Variants in FHIT observed in about 807,000 individuals in gnomAD.
FHIT encodes bis(5'-adenosyl)-triphosphatase.
FHIT carries 19 observed loss-of-function variants against 17.9 expected under a neutral mutation model. That is an observed-to-expected ratio of 1.06 (90% confidence interval 0.74 to 1.56). The LOEUF is 1.56. Among genes scored for constraint, FHIT ranks in the 40% most tolerant of loss-of-function variants. FHIT has a pLI of 0.00. For synonymous variants in FHIT, 81 were observed against 69.7 expected, an observed-to-expected ratio of 1.16 and a Z score of -0.81; for missense variants, 248 against 189.2, an observed-to-expected ratio of 1.31 and a Z score of -1.82.
rs536589165 is a variant in FHIT at position 60,839,738 on chromosome 3, T to G, written c.-110-17727A>C. 5.9e-5 allele frequency among the ~76,000 whole-genome samples: 9 copies of G among 152,266 alleles called. No individual in the cohort carries two copies. In the East Asian group the frequency reaches 1.7e-3, roughly 29 times the overall value. On this transcript the variant is annotated intron_variant, in intron 3 of 9. Coordinates refer to ENST00000492590, the MANE Select transcript of FHIT (RefSeq NM_002012.4). ...TATGCTGACCCTCTGCCCAGCCACA[T>G]AGCTCACCCCACCCCCTTAGAAGCA...
At chr3:61,093,625 G>A (rs192889685) in intron 2 of FHIT, among the ~76,000 whole-genome samples, 45 of 152,354 alleles carry the variant, frequency 3.0e-4, no homozygotes, top group African/African-American at 7.9e-4. Context: ...GAGCAGATTT[G>A]AAATTAGATT....
chr3:60,632,393 T>C (rs1553682687), intron 4 of FHIT, among the ~76,000 whole-genome samples: 1 of 152,220 alleles, frequency 6.6e-6, no homozygotes, highest in East Asian at 1.9e-4. Flanking sequence ...TAGCTCCAAG[T>C]TGACATGGCC....
chr3:59,944,212 C>T (rs1238408923), intron 7 of FHIT, among the ~76,000 whole-genome samples: 1 of 152,114 alleles, frequency 6.6e-6, no homozygotes, highest in East Asian at 1.9e-4. Flanking sequence ...ATATAACATA[C>T]CTATAGTACA....
rs532291244 is a variant in FHIT at position 60,470,132 on chromosome 3, C to T, written c.103+66728G>A. Among the ~76,000 whole-genome samples the T allele has an allele frequency of 3.0e-4, 45 of 151,550 alleles. 2 individuals are homozygous for T. The highest frequency in any genetic ancestry group is 8.0e-4 in the African/African-American group (33 of 41,256). ...GTGACACAAGCACTCCTGTGGCCAC[C>T]GCCACTGGGACTATATTGGGTCAGA... On this transcript the variant is annotated intron_variant, in intron 5 of 9. Coordinates refer to ENST00000492590, the MANE Select transcript of FHIT (RefSeq NM_002012.4).
chr3:60,835,894 C>T (rs1242683105), intron 3 of FHIT, among the ~76,000 whole-genome samples: 2 of 152,174 alleles, frequency 1.3e-5, no homozygotes, highest in Non-Finnish European at 2.9e-5. Context: ...GGATGACAGT[C>T]ATCAGTCACT....
intron 5 of FHIT, among the ~76,000 whole-genome samples, chr3:60,514,858 T>C (rs569852067): frequency 4.0e-5 from 6 of 149,736 alleles, no homozygotes; most frequent in Admixed American, 3.3e-4. Flanking sequence ...AAGGGTATCT[T>C]TGGACACTGA....
At chr3:60,488,123 G>A (rs2033916787) in intron 5 of FHIT, among the ~76,000 whole-genome samples, 1 of 152,152 alleles carries the variant, frequency 6.6e-6, no homozygotes, top group Non-Finnish European at 1.5e-5. Context: ...AAGTGCAATG[G>A]TCTTACGATT....
At chr3:60,782,301 A>G (rs1700422839) in intron 4 of FHIT, among the ~76,000 whole-genome samples, 1 of 151,622 alleles carries the variant, frequency 6.6e-6, no homozygotes, top group Non-Finnish European at 1.5e-5. Flanking sequence ...AAATGGCAAT[A>G]ATAAAAAGAT....
intron 5 of FHIT, among the ~76,000 whole-genome samples, chr3:60,114,225 C>A (rs977444466): frequency 6.7e-6 from 1 of 150,044 alleles, no homozygotes; most frequent in Non-Finnish European, 1.5e-5. Context: ...AAAATTCTGA[C>A]CCAGTAAGGT....
At chr3:60,387,023 C>CTTTT (rs71627536) in intron 5 of FHIT, among the ~76,000 whole-genome samples, 2 of 136,420 alleles carry the variant, frequency 1.5e-5, no homozygotes, top group South Asian at 2.3e-4. Context: ...TCTATTTATT[C>CTTTT]TTTTTTTTTT....
intron 5 of FHIT, among the ~76,000 whole-genome samples, chr3:60,037,390 C>CTT (rs35755244): frequency 7.5e-6 from 1 of 133,718 alleles, no homozygotes; most frequent in Non-Finnish European, 1.7e-5. Flanking sequence ...CCAAGTCTTT[C>CTT]TTTTTTTTTT....
At chr3:59,776,307 C>T (rs517644) in intron 8 of FHIT, among the ~76,000 whole-genome samples, 71,573 of 152,092 alleles carry the variant, frequency 0.47, 17,738 homozygotes, top group Middle Eastern at 0.63. Flanking sequence ...TGAGACAGAC[C>T]GCTGCTGTTC....
At chr3:61,006,233 T>C (rs2031438617) in intron 3 of FHIT, among the ~76,000 whole-genome samples, 1 of 152,200 alleles carries the variant, frequency 6.6e-6, no homozygotes, top group Admixed American at 6.5e-5. Flanking sequence ...GGATTAGTGC[T>C]CTCAAATATG....
chr3:61,048,443 A>T (rs2033897887), intron 2 of FHIT, among the ~76,000 whole-genome samples: 1 of 152,218 alleles, frequency 6.6e-6, no homozygotes, highest in East Asian at 1.9e-4. Context: ...ATCTCACATC[A>T]GTTAGAATGA....
intron 8 of FHIT, among the ~76,000 whole-genome samples, chr3:59,844,300 A>G (rs115292592): frequency 0.022 from 3,301 of 152,108 alleles, 97 homozygotes; most frequent in African/African-American, 0.064. Flanking sequence ...TTCTGGTTGA[A>G]TTTTTCTGGC....
Position 60,384,948 on chromosome 3 carries a change from A to G in FHIT, c.103+151912T>C, listed in dbSNP as rs78832971. Among the ~76,000 whole-genome samples the G allele has an allele frequency of 7.7e-3, 1,174 of 152,238 alleles. 18 individuals are homozygous for G. Among genetic ancestry groups the G allele is most frequent in the African/African-American group, 0.026 (1,095 of 41,542 alleles). ...CTTTCGCTCTATACAGTTTTAAAAT[A>G]TGTTCATTTTGTTCTAACTGCACAG... is the stretch of plus-strand genomic sequence containing the variant. On this transcript the variant is annotated intron_variant, in intron 5 of 9. Coordinates refer to ENST00000492590, the MANE Select transcript of FHIT (RefSeq NM_002012.4).
intron 5 of FHIT, among the ~76,000 whole-genome samples, chr3:60,444,926 C>T (rs1559919257): frequency 6.6e-6 from 1 of 152,026 alleles, no homozygotes; most frequent in Non-Finnish European, 1.5e-5. Flanking sequence ...CATCTAATTC[C>T]TTAGGCACAA....
intron 5 of FHIT, among the ~76,000 whole-genome samples, chr3:60,185,305 A>G (rs1702112588): frequency 6.6e-6 from 1 of 152,162 alleles, no homozygotes; most frequent in South Asian, 2.1e-4. Context: ...CAGAACCTTC[A>G]GTAACAATGA....
intron 5 of FHIT, among the ~76,000 whole-genome samples, chr3:60,172,231 T>C (rs1213844201): frequency 6.6e-6 from 1 of 151,888 alleles, no homozygotes; most frequent in East Asian, 1.9e-4. Flanking sequence ...AGGTAGTAAA[T>C]AGGCCTAGAA....
Sources: gnomAD v4.1 joint callset for allele counts (sites outside exome capture counted in the v4.1 genomes callset) on GRCh38, gnomAD v4.1.1 for gene constraint, MANE v1.5 for transcripts, NCBI Gene and HGNC (gene_info 2026-07-23, HGNC 2026-07-21) for gene names.